CUX1: variants seen among roughly 807,000 people sequenced by gnomAD.
CUX1 encodes cut like homeobox 1, also known as protein CASP.
In CUX1, 31 loss-of-function variants were observed where a neutral mutation model predicts 158.8. The observed-to-expected ratio is 0.20, with a 90% CI of 0.15 to 0.26. The LOEUF (loss-of-function observed/expected upper bound fraction) is 0.26, where lower values mean the gene tolerates loss of function less well. Among genes scored for constraint, CUX1 ranks in the 10% least tolerant of loss-of-function variants. The pLI is 1.00. For missense variants in CUX1, 1,589 were observed against 2,014.6 expected, an observed-to-expected ratio of 0.79 and a Z score of 4.04; for synonymous variants, 879 against 862.1, an observed-to-expected ratio of 1.02 and a Z score of -0.34.
At chr7:102,142,076 G>A (rs797033856) in intron 8 of CUX1, among the ~76,000 whole-genome samples, 4 of 152,262 alleles carry the variant, frequency 2.6e-5, no homozygotes, top group African/African-American at 7.2e-5. Context: ...ATGCACCACT[G>A]CGCCGCCCTG....
chr7:102,009,102 A>G (rs1817702923), intron 2 of CUX1, among the ~76,000 whole-genome samples: 1 of 152,210 alleles, frequency 6.6e-6, no homozygotes, highest in African/African-American at 2.4e-5. Context: ...GCAGCTTAGA[A>G]GGCAGCATGG....
rs552736206 is a variant in CUX1 at position 101,834,492 on chromosome 7, A to G, written c.30+16823A>G. Among the ~76,000 whole-genome samples, 5 of 152,254 alleles carry G rather than the reference A, an allele frequency of 3.3e-5. No homozygotes were observed. The South Asian group carries it at 1.0e-3, about 32-fold the overall frequency. On this transcript the variant is annotated intron_variant, in intron 1 of 23. Coordinates refer to ENST00000292535, the MANE Select transcript of CUX1 (RefSeq NM_181552.4). ...CCAGCCTTATTTTCTATTTTTAAAG[A>G]AAGAGCAAGACTGAAAACATTTGCA...
At position 102,256,417 on chromosome 7, in the gene CUX1, T is replaced by G. The variant is rs1289654305; in HGVS notation, c.*7375T>G. On this transcript the variant is annotated 3_prime_UTR_variant, in exon 24 of 24. Coordinates refer to ENST00000292535, the MANE Select transcript of CUX1 (RefSeq NM_181552.4). ...TTTTGTGTTTTGTTGTCATAAATGC[T>G]TTTTGCTGTCACTCTAGTGGTTACT... 1.0e-6 allele frequency: 1 copy of G among 985,336 alleles called. No homozygotes were observed. The highest frequency in any genetic ancestry group is 1.1e-4 in the East Asian group (1 of 8,832). The allele number at this position is 985,336 out of a possible 1,614,324, so 61.0% of individuals were successfully genotyped here.
chr7:102,202,042 G>C lies in CUX1; in HGVS notation c.2745G>C (p.Pro915=), dbSNP rs781846413. 2 of 1,614,044 alleles carry C rather than the reference G, an allele frequency of 1.2e-6. No homozygotes were observed. The highest frequency in any genetic ancestry group is 2.2e-5 in the South Asian group (2 of 91,078). Residue 915 remains proline (P), a synonymous_variant, in exon 18 of 24, where the codon CCG becomes CCC. Coordinates refer to ENST00000292535, the MANE Select transcript of CUX1 (RefSeq NM_181552.4). ...TPQNSPLPSS[P]IVPMSKPTKP... ...AGAACAGCCCCCTGCCATCCTCCCCGATCGTGCCCATGTCCAAGCCCACCA... is the reference window on the plus strand; with the variant it reads ...AGAACAGCCCCCTGCCATCCTCCCCCATCGTGCCCATGTCCAAGCCCACCA...
Position 102,254,614 on chromosome 7 carries a change from G to C in CUX1, c.*5572G>C. The C allele has an allele frequency of 1.0e-6, 1 of 985,440 alleles. No individual in the cohort carries two copies. Among genetic ancestry groups the C allele is most frequent in the Non-Finnish European group, 1.2e-6 (1 of 829,966 alleles). The allele number at this position is 985,440 out of a possible 1,614,324, so 61.0% of individuals were successfully genotyped here. A position where few individuals can be genotyped will look rare whatever the true frequency, so the allele number is the denominator to read the frequency against. On this transcript the variant is annotated 3_prime_UTR_variant, in exon 24 of 24. Transcript: ENST00000292535. ...TTTGCAAGTAAGAACCTAAGGATGG[G>C]GACAGCATCCTGTGCTTGGGCATTG...
intron 14 of CUX1, among the ~76,000 whole-genome samples, chr7:102,264,522 G>A (rs2529124): frequency 0.48 from 73,153 of 151,920 alleles, 17,988 homozygotes; most frequent in East Asian, 0.75. Flanking sequence ...TGGGGGCCTT[G>A]TCGGCTATTG....
intron 20 of CUX1, among the ~76,000 whole-genome samples, chr7:102,217,689 ACG>A (rs1797384633): frequency 3.2e-5 from 4 of 125,374 alleles, no homozygotes; most frequent in Admixed American, 2.4e-4. Context: ...CTGGATGGAC[ACG>A]ATGGTGTCTA....
intron 1 of CUX1, among the ~76,000 whole-genome samples, chr7:101,903,178 AC>A (rs1054189892): frequency 2.0e-4 from 30 of 152,244 alleles, no homozygotes; most frequent in African/African-American, 7.0e-4. Flanking sequence ...AGCCGGCCAG[AC>A]CTCAGTAGCC....
intron 8 of CUX1, among the ~76,000 whole-genome samples, chr7:102,120,625 A>G (rs1831936331): frequency 6.6e-6 from 1 of 152,264 alleles, no homozygotes; most frequent in Non-Finnish European, 1.5e-5. Flanking sequence ...TAACATGTAT[A>G]TAACCAGTAC....
At chr7:101,936,072 CA>C (rs1348296528) in intron 2 of CUX1, among the ~76,000 whole-genome samples, 1 of 152,140 alleles carries the variant, frequency 6.6e-6, no homozygotes, top group Non-Finnish European at 1.5e-5. Context: ...CAGCAGTGAG[CA>C]GAAGGCCAAG....
At chr7:102,233,183 CTT>C (rs781940562) in intron 21 of CUX1, among the ~76,000 whole-genome samples, 66 of 117,156 alleles carry the variant, frequency 5.6e-4, no homozygotes, top group Non-Finnish European at 5.7e-4. Flanking sequence ...TTTTTTTTTC[CTT>C]TTTTTTTTTT....
rs1554518460 is a variant in CUX1 at position 102,196,742 on chromosome 7, A to T, written c.1331A>T (p.Asn444Ile). ...LPRNPGEQAS[N>I]TNGTHQFSPA... Reference sequence around the variant, plus strand: ...CGCAACCCGGGGGAGCAGGCTTCCAATACTAATGGTACACACCAGTTCTCA... The same window carrying T: ...CGCAACCCGGGGGAGCAGGCTTCCATTACTAATGGTACACACCAGTTCTCA... The change falls in exon 15 of 24, where the codon AAT (asparagine) becomes ATT (isoleucine). Residue 444 changes from asparagine (N) to isoleucine (I), a missense_variant. Physicochemically the swap from Asn to Ile is moderately radical, Grantham distance 149. Coordinates refer to ENST00000292535, the MANE Select transcript of CUX1 (RefSeq NM_181552.4). 1 of 1,613,856 alleles carries T rather than the reference A, an allele frequency of 6.2e-7. No individual in the cohort carries two copies.
At chr7:101,842,441 G>A (rs919303776) in intron 1 of CUX1, among the ~76,000 whole-genome samples, 8 of 152,098 alleles carry the variant, frequency 5.3e-5, no homozygotes, top group Non-Finnish European at 7.3e-5. Context: ...AGGCTGGCAC[G>A]CAGTGGCGTG....
chr7:102,199,302 G>A (rs1038248048), intron 16 of CUX1, among the ~76,000 whole-genome samples: 4 of 152,190 alleles, frequency 2.6e-5, no homozygotes, highest in East Asian at 1.9e-4. Flanking sequence ...ACATCGTCCC[G>A]GTGGCATACT....
intron 2 of CUX1, among the ~76,000 whole-genome samples, chr7:102,022,634 GA>G (rs1819516100): frequency 6.7e-6 from 1 of 149,848 alleles, no homozygotes; most frequent in Non-Finnish European, 1.5e-5. Context: ...AAAAAGAAAA[GA>G]AAAAGAAAAG....
chr7:102,215,801 C>G (rs1383400400), intron 20 of CUX1, among the ~76,000 whole-genome samples: 1 of 152,202 alleles, frequency 6.6e-6, no homozygotes, highest in Non-Finnish European at 1.5e-5. Context: ...GCCATGGATT[C>G]TCTGAGGAAT....
intron 10 of CUX1, 125 bp from the exon 11 acceptor site, chr7:102,178,344 A>T: frequency 1.1e-6 from 1 of 944,238 alleles, no homozygotes; most frequent in South Asian, 1.8e-5. Flanking sequence ...GCAAGAAGTG[A>T]CATCCTGCCA....
chr7:102,205,177 A>G lies in CUX1; in HGVS notation c.3130+7A>G. The G allele has an allele frequency of 1.2e-6, 2 of 1,605,686 alleles. No homozygotes were observed. The highest frequency in any genetic ancestry group is 1.1e-5 in the South Asian group (1 of 90,894). On this transcript the variant is annotated splice_region_variant and intron_variant, in intron 20 of 23. Transcript: ENST00000292535. ...CAGGGCTGTGTGAGCTCAGGTAAGCAGCCAGTTTCTGTTGCTTTTGCATGA... is the reference window on the plus strand; with the variant it reads ...CAGGGCTGTGTGAGCTCAGGTAAGCGGCCAGTTTCTGTTGCTTTTGCATGA...
chr7:102,065,811 A>C (rs1825481150), intron 3 of CUX1, among the ~76,000 whole-genome samples: 1 of 149,544 alleles, frequency 6.7e-6, no homozygotes, highest in Non-Finnish European at 1.5e-5. Flanking sequence ...TTTTGTTCTG[A>C]GATGGAGTCT....
Sources: gnomAD v4.1 joint callset for allele counts (sites outside exome capture counted in the v4.1 genomes callset) on GRCh38, gnomAD v4.1.1 for gene constraint, MANE v1.5 for transcripts, NCBI Gene and HGNC (gene_info 2026-07-23, HGNC 2026-07-21) for gene names.